The following GNB4 variants were observed in gnomAD, a reference collection of about 807,000 sequenced individuals.
GNB4 encodes G protein subunit beta 4.
Under a neutral mutation model 45.2 loss-of-function variants are expected in GNB4, and 28 were observed. The ratio of observed to expected loss-of-function variants is 0.62; its 90% confidence interval spans 0.46 to 0.85. GNB4 has a LOEUF of 0.85. Among genes scored for constraint, GNB4 ranks in the 40% least tolerant of loss-of-function variants. The probability of loss-of-function intolerance (pLI) is 0.00; values close to 1 mark genes in which losing one functional copy is unlikely to be tolerated. For synonymous variants in GNB4, 132 were observed against 143.7 expected, an observed-to-expected ratio of 0.92 and a Z score of 0.58; for missense variants, 321 against 425.4, an observed-to-expected ratio of 0.75 and a Z score of 2.16.
chr3:179,489,043 TA>T, the GNB4 span, among the ~76,000 whole-genome samples: 125 of 81,342 alleles, frequency 1.5e-3, 8 homozygotes, highest in Middle Eastern at 6.7e-3. Context: ...TATATATATA[TA>T]TAATATATAT....
At chr3:179,454,013 C>T (rs1446479059), upstream of GNB4, among the ~76,000 whole-genome samples, 1 of 152,018 alleles carries the variant, frequency 6.6e-6, no homozygotes, top group Non-Finnish European at 1.5e-5. Context: ...ATGAAATCCA[C>T]GAAGAACAAA....
At chr3:179,453,539 C>T (rs1373062403), upstream of GNB4, among the ~76,000 whole-genome samples, 1 of 152,120 alleles carries the variant, frequency 6.6e-6, no homozygotes, top group African/African-American at 2.4e-5. Flanking sequence ...AAACAAGTTG[C>T]TGGTATTTAG....
At chr3:179,517,038 A>G in the GNB4 span, among the ~76,000 whole-genome samples, 3 of 152,172 alleles carry the variant, frequency 2.0e-5, no homozygotes, top group African/African-American at 7.2e-5. Flanking sequence ...TTCAGTCCAT[A>G]TAACAGCATG....
At chr3:179,524,131 A>C in the GNB4 span, among the ~76,000 whole-genome samples, 1 of 152,186 alleles carries the variant, frequency 6.6e-6, no homozygotes, top group Non-Finnish European at 1.5e-5. Context: ...CCACTATAAG[A>C]GTTATCCAAA....
chr3:179,397,484 T>G lies in GNB4; in HGVS notation c.*3729A>C, dbSNP rs1714152509. On this transcript the variant is annotated 3_prime_UTR_variant, in exon 10 of 10. Transcript: ENST00000232564. Reference sequence around the variant, plus strand: ...ATCCATTATTTCCAGGAGACTAGTTTACTACTATCATGCAATCGCTGAGGT... The same window carrying G: ...ATCCATTATTTCCAGGAGACTAGTTGACTACTATCATGCAATCGCTGAGGT... 6.6e-6 allele frequency: 1 copy of G among 152,338 alleles called. No individual in the cohort carries two copies. Among genetic ancestry groups the G allele is most frequent in the South Asian group, 2.1e-4 (1 of 4,834 alleles). 9.4% of individuals were successfully genotyped at this position (152,338 alleles called of 1,614,324 possible).
At chr3:179,493,625 G>T in the GNB4 span, among the ~76,000 whole-genome samples, 1 of 151,986 alleles carries the variant, frequency 6.6e-6, no homozygotes, top group Admixed American at 6.6e-5. Context: ...CCCAGAATGA[G>T]AAGAGAGAGG....
the GNB4 span, among the ~76,000 whole-genome samples, chr3:179,478,194 T>G: frequency 3.9e-5 from 6 of 152,154 alleles, no homozygotes; most frequent in Non-Finnish European, 8.8e-5. Context: ...ACTCTCATGA[T>G]GGCAACATTA....
At chr3:179,421,358 G>A (rs1016294556) in intron 2 of GNB4, among the ~76,000 whole-genome samples, 3 of 151,728 alleles carry the variant, frequency 2.0e-5, no homozygotes, top group African/African-American at 2.4e-5. Context: ...AAAGGAAGAC[G>A]GTGAAGCAGA....
chr3:179,463,854 C>T, the GNB4 span, among the ~76,000 whole-genome samples: 1 of 152,126 alleles, frequency 6.6e-6, no homozygotes, highest in Non-Finnish European at 1.5e-5. Context: ...ACTGTTGTCT[C>T]CTAATAGTCA....
chr3:179,436,572 G>C (rs1472438232), intron 1 of GNB4, among the ~76,000 whole-genome samples: 1 of 150,946 alleles, frequency 6.6e-6, no homozygotes, highest in Admixed American at 6.6e-5. Context: ...TAATGAATCA[G>C]GTACAATATT....
the GNB4 span, among the ~76,000 whole-genome samples, chr3:179,498,440 T>C: frequency 1.4e-4 from 21 of 152,158 alleles, no homozygotes; most frequent in African/African-American, 4.8e-4. Context: ...TTTGTTTTTT[T>C]GTTTGTTTGT....
chr3:179,499,180 CGGAGTCTTGCT>C, the GNB4 span, among the ~76,000 whole-genome samples: 1 of 120,130 alleles, frequency 8.3e-6, no homozygotes, highest in Non-Finnish European at 1.6e-5. Context: ...TTTTTTGAGA[CGGAGTCTTGCT>C]CTGTCACCCA....
At chr3:179,497,797 T>A in the GNB4 span, among the ~76,000 whole-genome samples, 1 of 151,992 alleles carries the variant, frequency 6.6e-6, no homozygotes, top group African/African-American at 2.4e-5. Flanking sequence ...ATGAAAAGAT[T>A]CTCAACATCA....
At chr3:179,409,199 C>G (rs1018805647) in intron 8 of GNB4, among the ~76,000 whole-genome samples, 5 of 151,196 alleles carry the variant, frequency 3.3e-5, no homozygotes, top group African/African-American at 1.2e-4. Context: ...TCAATGACAT[C>G]AGCTTCTATC....
the GNB4 span, among the ~76,000 whole-genome samples, chr3:179,508,927 CATGTGTAT>C: frequency 3.3e-5 from 1 of 30,324 alleles, no homozygotes; most frequent in Non-Finnish European, 5.1e-5. Context: ...TCTCTTTCAG[CATGTGTAT>C]ATATATATAT....
chr3:179,429,160 A>C (rs1172204399), intron 1 of GNB4, among the ~76,000 whole-genome samples: 1 of 152,196 alleles, frequency 6.6e-6, no homozygotes, highest in Non-Finnish European at 1.5e-5. Context: ...GTTGTTTTGC[A>C]ACATGCAACC....
the GNB4 span, among the ~76,000 whole-genome samples, chr3:179,489,005 AAAAAAAAAAAAAAAATATATATATATAT>A: frequency 2.6e-5 from 1 of 38,248 alleles, no homozygotes; most frequent in Non-Finnish European, 4.4e-5. Context: ...AAAAAAAAAA[AAAAAAAAAAAAAAAATATATATATATAT>A]ATATATATAT....
intron 1 of GNB4, among the ~76,000 whole-genome samples, chr3:179,447,864 G>A (rs1036854668): frequency 3.9e-5 from 6 of 152,238 alleles, no homozygotes; most frequent in African/African-American, 1.4e-4. Flanking sequence ...ACTGGTGGAT[G>A]GTGGTACCAT....
At chr3:179,461,286 A>T in the GNB4 span, among the ~76,000 whole-genome samples, 1 of 152,288 alleles carries the variant, frequency 6.6e-6, no homozygotes, top group East Asian at 1.9e-4. Flanking sequence ...TCACGAGGTC[A>T]GGAGATCGAG....
Sources: gnomAD v4.1 joint callset for allele counts (sites outside exome capture counted in the v4.1 genomes callset) on GRCh38, gnomAD v4.1.1 for gene constraint, MANE v1.5 for transcripts, NCBI Gene and HGNC (gene_info 2026-07-23, HGNC 2026-07-21) for gene names.